Variants in UBA6 observed in about 807,000 individuals in gnomAD.
UBA6 encodes ubiquitin-like modifier-activating enzyme 6.
UBA6 carries 87 observed loss-of-function variants against 148.3 expected under a neutral mutation model. The ratio of observed to expected loss-of-function variants is 0.59; its 90% confidence interval spans 0.49 to 0.70. The LOEUF is 0.70. Ranked by LOEUF, UBA6 falls within the 30% of genes least tolerant of loss-of-function variation. The pLI is 0.00. For missense variants in UBA6, 1,186 were observed against 1,241.2 expected (o/e 0.96, Z 0.67); for synonymous variants, 376 against 401.0 (o/e 0.94, Z 0.75).
At chr4:67,626,281 C>A (rs1728865158) in intron 28 of UBA6, 79 bp downstream of exon 28, 1 of 808,564 alleles carries the variant, frequency 1.2e-6, no homozygotes, top group East Asian at 2.5e-5. Context: ...GATTAAATTC[C>A]ACAAATTCTT....
At chr4:67,623,065 T>C (rs577358055) in intron 31 of UBA6, 70 bp downstream of exon 31, 2 of 1,401,952 alleles carry the variant, frequency 1.4e-6, no homozygotes, top group East Asian at 4.8e-5. Context: ...TCCAATAAAA[T>C]TATAAATAAA....
rs1178870282 is a variant in UBA6 at position 67,642,451 on chromosome 4, TAA to T, written c.1477-1225_1477-1224del. Among the ~76,000 whole-genome samples, 8 of 152,188 alleles carry T rather than the reference TAA, an allele frequency of 5.3e-5. No homozygotes were observed. In the East Asian group the frequency reaches 1.5e-3, roughly 29 times the overall value. ...TTTTAACCATCTCACTCTAAGGTTT[TAA>T]AAAATCAATACTCATGTAAATCAAA... On this transcript the variant is annotated intron_variant, in intron 17 of 32. Transcript: ENST00000322244.
At chr4:67,634,634 A>G in intron 20 of UBA6, 116 bp from the exon 21 acceptor site, 1 of 647,030 alleles carries the variant, frequency 1.5e-6, no homozygotes, top group Non-Finnish European at 2.5e-6. Context: ...ATAAAATCCA[A>G]CCAGACATTT....
Position 67,635,534 on chromosome 4 carries a change from A to G in UBA6, c.1761T>C (p.Pro587=). 1 of 1,612,176 alleles carries G rather than the reference A, an allele frequency of 6.2e-7. No homozygotes were observed. ...TGCCCATTGTTCCAGAATCTAAAAG[A>G]GGCCTTAGATTTGCTAAGCAACGAC... is the stretch of plus-strand genomic sequence containing the variant. The part of the protein sequence containing the change: ...VDSRCLANLR[P]LLDSGTMGTK... Residue 587 remains proline (P), a synonymous_variant, in exon 20 of 33, where the codon CCT becomes CCC. Coordinates refer to ENST00000322244, the MANE Select transcript of UBA6 (RefSeq NM_018227.6).
At chr4:67,700,960 G>C (rs1577850001) in intron 1 of UBA6, 89 bp downstream of exon 1, 2 of 1,530,646 alleles carry the variant, frequency 1.3e-6, no homozygotes, top group East Asian at 2.3e-5. Context: ...CCTCTCGGGC[G>C]CCCCCAGCCC....
At chr4:67,697,616 G>C (rs1305484686) in intron 1 of UBA6, among the ~76,000 whole-genome samples, 2 of 152,064 alleles carry the variant, frequency 1.3e-5, no homozygotes, top group Non-Finnish European at 1.5e-5. Flanking sequence ...ATCATTTACT[G>C]GGTTGGGCCT....
At chr4:67,636,159 A>G (rs1047031592) in intron 19 of UBA6, among the ~76,000 whole-genome samples, 3 of 152,178 alleles carry the variant, frequency 2.0e-5, no homozygotes, top group African/African-American at 7.2e-5. Flanking sequence ...AAATGACATC[A>G]TATGTTGGGC....
chr4:67,615,906 T>G lies in UBA6; in HGVS notation c.*3091A>C. The stretch of plus-strand genomic sequence containing the variant: ...CAAAGGGTACGTGGCAGGGAGCTGG[T>G]TGTGACTGGGAAGGAACTACATGTG... On this transcript the variant is annotated 3_prime_UTR_variant, in exon 33 of 33. Coordinates refer to ENST00000322244, the MANE Select transcript of UBA6 (RefSeq NM_018227.6). 3.1e-6 allele frequency: 1 copy of G among 326,280 alleles called. No individual in the cohort carries two copies. The highest frequency in any genetic ancestry group is 5.5e-6 in the Non-Finnish European group (1 of 180,186). The allele number at this position is 326,280 out of a possible 1,614,324, so 20.2% of individuals were successfully genotyped here.
intron 1 of UBA6, among the ~76,000 whole-genome samples, chr4:67,697,818 T>A (rs537656665): frequency 6.6e-6 from 1 of 152,376 alleles, no homozygotes; most frequent in South Asian, 2.1e-4. Context: ...ATTTCCAGTA[T>A]TGCCCTTCCC....
At chr4:67,690,724 A>C (rs1435535973) in intron 2 of UBA6, among the ~76,000 whole-genome samples, 3 of 152,116 alleles carry the variant, frequency 2.0e-5, no homozygotes, top group Non-Finnish European at 4.4e-5. Flanking sequence ...AATACAAACC[A>C]AAACCACAAT....
intron 13 of UBA6, among the ~76,000 whole-genome samples, chr4:67,652,457 C>G (rs1729574682): frequency 6.6e-6 from 1 of 152,182 alleles, no homozygotes; most frequent in South Asian, 2.1e-4. Flanking sequence ...AGATGCAGCA[C>G]AACTGAAATT....
In UBA6 at chr4:67,616,414, A is replaced by T. The variant is rs1728627540; in HGVS notation, c.*2583T>A. On this transcript the variant is annotated 3_prime_UTR_variant, in exon 33 of 33. Transcript: ENST00000322244. ...TTTAATGTTCCATGAATATCACCAG[A>T]GTGTGACATAGTAGATTAAAAAATA... The T allele has an allele frequency of 3.3e-6, 1 of 306,958 alleles. No individual in the cohort carries two copies. The highest frequency in any genetic ancestry group is 5.9e-6 in the Non-Finnish European group (1 of 169,258). The allele number at this position is 306,958 out of a possible 1,614,324, so 19.0% of individuals were successfully genotyped here. A position where few individuals can be genotyped will look rare whatever the true frequency, so the allele number is the denominator to read the frequency against.
rs1418934456 is a variant in UBA6, at chr4:67,639,134, T to C, written c.1555-10A>G. 3 of 1,600,132 alleles carry C rather than the reference T, an allele frequency of 1.9e-6. No homozygotes were observed. In the African/African-American group the frequency reaches 4.0e-5, roughly 22 times the overall value. ...TGTAGCTTTTAGGTTTCTAAACAAATAATATAAGCAGAAGGAATATGTTAA... is the reference window on the plus strand; with the variant it reads ...TGTAGCTTTTAGGTTTCTAAACAAACAATATAAGCAGAAGGAATATGTTAA... On this transcript the variant is annotated splice_polypyrimidine_tract_variant and intron_variant, in intron 18 of 32. Coordinates refer to ENST00000322244, the MANE Select transcript of UBA6 (RefSeq NM_018227.6).
intron 31 of UBA6, 91 bp downstream of exon 31, chr4:67,623,044 T>C: frequency 5.9e-6 from 8 of 1,345,600 alleles, no homozygotes; most frequent in Non-Finnish European, 8.2e-6. Context: ...TCATGGTAAA[T>C]AATTATAACT....
intron 11 of UBA6, 183 bp from the exon 12 acceptor site, chr4:67,663,398 G>T: frequency 2.1e-6 from 1 of 476,428 alleles, no homozygotes. Flanking sequence ...TAACCTCAAG[G>T]CCATGAAGGT....
intron 9 of UBA6, among the ~76,000 whole-genome samples, chr4:67,666,807 T>C (rs564784184): frequency 1.1e-4 from 16 of 152,138 alleles, no homozygotes; most frequent in Non-Finnish European, 1.9e-4. Context: ...CCCAGGAGGC[T>C]GAGGCTGCAG....
chr4:67,631,351 A>G (rs192771799), intron 25 of UBA6, among the ~76,000 whole-genome samples: 1 of 152,214 alleles, frequency 6.6e-6, no homozygotes, highest in African/African-American at 2.4e-5. Flanking sequence ...ATTCAGTAGT[A>G]ATTATTTGTT....
chr4:67,641,729 C>T (rs933562605), intron 17 of UBA6, among the ~76,000 whole-genome samples: 1 of 152,138 alleles, frequency 6.6e-6, no homozygotes, highest in Non-Finnish European at 1.5e-5. Context: ...TATTGAAACA[C>T]TGTCATACTA....
intron 27 of UBA6, 22 bp downstream of exon 27, chr4:67,629,049 A>G (rs1277296164): frequency 2.7e-5 from 42 of 1,540,772 alleles, no homozygotes; most frequent in Non-Finnish European, 3.7e-5. Context: ...TATTTGCTGA[A>G]TGAATGATTT....
Sources: allele counts gnomAD v4.1 joint callset (sites outside exome capture counted in the v4.1 genomes callset), GRCh38; gene constraint gnomAD v4.1.1; transcripts MANE v1.5; gene names NCBI Gene and HGNC (gene_info 2026-07-23, HGNC 2026-07-21).